SRPK1: variants seen among roughly 807,000 people sequenced by gnomAD.
SRPK1 encodes SRSF protein kinase 1.
In SRPK1, 52 loss-of-function variants were observed where a neutral mutation model predicts 89.5. The observed-to-expected ratio is 0.58, with a 90% CI of 0.46 to 0.73. The LOEUF is 0.73. Ranked by LOEUF, SRPK1 falls within the 30% of genes least tolerant of loss-of-function variation. SRPK1 has a pLI of 0.00. For missense variants in SRPK1, 603 were observed against 780.6 expected, an observed-to-expected ratio of 0.77 and a Z score of 2.71; for synonymous variants, 255 against 270.2, an observed-to-expected ratio of 0.94 and a Z score of 0.55.
At chr6:35,867,331 C>T (rs1273989627) in intron 12 of SRPK1, among the ~76,000 whole-genome samples, 1 of 152,060 alleles carries the variant, frequency 6.6e-6, no homozygotes, top group African/African-American at 2.4e-5. Flanking sequence ...GAAAGCTGCT[C>T]CACATTCTTA....
At chr6:35,872,971 T>C (rs1310368913) in intron 7 of SRPK1, among the ~76,000 whole-genome samples, 1 of 152,230 alleles carries the variant, frequency 6.6e-6, no homozygotes, top group African/African-American at 2.4e-5. Flanking sequence ...TATTTGGAGA[T>C]ATTCTTCAAC....
chr6:35,915,458 G>C (rs1771069062), intron 2 of SRPK1, among the ~76,000 whole-genome samples: 1 of 145,150 alleles, frequency 6.9e-6, no homozygotes, highest in African/African-American at 2.5e-5. Flanking sequence ...TTGACAAAAT[G>C]AACTAAAAAT....
At chr6:35,913,969 C>CT (rs545555860) in intron 2 of SRPK1, among the ~76,000 whole-genome samples, 1,355 of 92,772 alleles carry the variant, frequency 0.015, 49 homozygotes, top group African/African-American at 0.032. Context: ...GATACTTTCT[C>CT]TTTTTTTTTT....
chr6:35,897,851 T>C (rs1472642606), intron 2 of SRPK1, among the ~76,000 whole-genome samples: 1 of 152,204 alleles, frequency 6.6e-6, no homozygotes, highest in Non-Finnish European at 1.5e-5. Flanking sequence ...GCGTATTCTA[T>C]TGGAACAAAT....
At chr6:35,911,126 T>C (rs1326475553) in intron 2 of SRPK1, among the ~76,000 whole-genome samples, 2 of 152,228 alleles carry the variant, frequency 1.3e-5, no homozygotes, top group South Asian at 2.1e-4. Flanking sequence ...ATTCCTCTGA[T>C]GGGTCTGGGA....
At chr6:35,877,931 G>C (rs188549540) in intron 6 of SRPK1, among the ~76,000 whole-genome samples, 24 of 151,956 alleles carry the variant, frequency 1.6e-4, no homozygotes, top group Admixed American at 1.2e-3. Context: ...ACAAATGGCA[G>C]ATTAGATTTT....
At chr6:35,917,190 T>C (rs1164562677) in intron 2 of SRPK1, among the ~76,000 whole-genome samples, 2 of 152,226 alleles carry the variant, frequency 1.3e-5, no homozygotes, top group African/African-American at 2.4e-5. Context: ...GATAGATGAT[T>C]GTGCTGTTTC....
rs531578817 is a variant in SRPK1 at position 35,888,131 on chromosome 6, A to G, written c.303-20T>C. 1.4e-5 allele frequency: 22 copies of G among 1,548,308 alleles called. No homozygotes were observed. The highest frequency in any genetic ancestry group is 1.9e-5 in the Non-Finnish European group (22 of 1,129,034). ...TTCCCCCTAAGAAACAAACACAGGC[A>G]ATTAAGACTACATAGCCTACCCTTA... is the stretch of plus-strand genomic sequence containing the variant. On this transcript the variant is annotated intron_variant, in intron 4 of 15. Coordinates refer to ENST00000373825, the MANE Select transcript of SRPK1 (RefSeq NM_003137.5).
At chr6:35,848,651 G>A (rs1378307790) in intron 13 of SRPK1, among the ~76,000 whole-genome samples, 1 of 152,184 alleles carries the variant, frequency 6.6e-6, no homozygotes, top group African/African-American at 2.4e-5. Context: ...GGCAAAAAAA[G>A]CAGACGCATA....
chr6:35,844,881 A>G (rs1769393466), intron 13 of SRPK1, among the ~76,000 whole-genome samples: 1 of 152,154 alleles, frequency 6.6e-6, no homozygotes, highest in Non-Finnish European at 1.5e-5. Flanking sequence ...AAAAAAACAA[A>G]AAACAAAAAA....
intron 13 of SRPK1, among the ~76,000 whole-genome samples, chr6:35,856,416 T>G (rs1769667605): frequency 6.6e-6 from 1 of 152,154 alleles, no homozygotes; most frequent in Admixed American, 6.5e-5. Context: ...GCCAGTTGAT[T>G]AGAAGTGCAG....
chr6:35,872,677 C>T lies in SRPK1; in HGVS notation c.637G>A (p.Asp213Asn), dbSNP rs1332278792. The T allele has an allele frequency of 6.2e-7, 1 of 1,611,082 alleles. No homozygotes were observed. The highest frequency in any genetic ancestry group is 8.5e-7 in the Non-Finnish European group (1 of 1,178,730). ...AATAAGATGTTCTCTGGTTTAATGT[C>T]AGTGTGGATGATACGGCACTTGGTA... ...LHTKCRIIHT[D>N]IKPENILLSV... The change falls in exon 8 of 16, where the codon GAC (aspartate) becomes AAC (asparagine). Residue 213 changes from aspartate to asparagine, a missense_variant. Transcript: ENST00000373825.
At chr6:35,885,292 CACACACAGAG>C (rs1281021181) in intron 6 of SRPK1, among the ~76,000 whole-genome samples, 76 of 135,308 alleles carry the variant, frequency 5.6e-4, no homozygotes, top group African/African-American at 1.6e-3. Flanking sequence ...CACACACACA[CACACACAGAG>C]AGAGAGAGAG....
At chr6:35,908,144 A>G (rs903359847) in intron 2 of SRPK1, among the ~76,000 whole-genome samples, 10 of 152,174 alleles carry the variant, frequency 6.6e-5, no homozygotes, top group Non-Finnish European at 1.3e-4. Flanking sequence ...GAAATGGACT[A>G]ATACAGTAAA....
Position 35,842,616 on chromosome 6 carries a change from AG to A in SRPK1, c.1621-13del. On this transcript the variant is annotated splice_polypyrimidine_tract_variant and intron_variant, in intron 13 of 15. Transcript: ENST00000373825. Reference sequence around the variant, plus strand: ...GCCAGTTCAAAGGCCTAAAAAAAAAAGAGGACAGTATATGAAAGCACAAAAG... The same window carrying A: ...GCCAGTTCAAAGGCCTAAAAAAAAAAAGGACAGTATATGAAAGCACAAAAG... The A allele has an allele frequency of 6.3e-7, 1 of 1,598,762 alleles. No homozygotes were observed. The highest frequency in any genetic ancestry group is 1.3e-5 in the African/African-American group (1 of 74,244).
intron 2 of SRPK1, among the ~76,000 whole-genome samples, chr6:35,917,378 G>A (rs1203354874): frequency 6.6e-6 from 1 of 152,144 alleles, no homozygotes; most frequent in Non-Finnish European, 1.5e-5. Flanking sequence ...TCAGACCTGG[G>A]TTCAAATCCC....
intron 12 of SRPK1, among the ~76,000 whole-genome samples, chr6:35,863,004 A>G (rs1769816431): frequency 1.3e-5 from 2 of 151,716 alleles, no homozygotes; most frequent in East Asian, 3.9e-4. Context: ...AAAAAAAATT[A>G]GCTGGGTGTG....
In SRPK1 at chr6:35,889,924, C is replaced by T. The variant is rs1274966731; in HGVS notation, c.193+971G>A. Among the ~76,000 whole-genome samples, 4 of 149,844 alleles carry T rather than the reference C, an allele frequency of 2.7e-5. No homozygotes were observed. The South Asian group carries it at 8.5e-4, about 32-fold the overall frequency. On this transcript the variant is annotated intron_variant, in intron 3 of 15. Transcript: ENST00000373825. ...CCATCCTGGCTAACACGGTGAAACCCTGTGTCTACTAAAAAAAAAAAAAAA... is the reference window on the plus strand; with the variant it reads ...CCATCCTGGCTAACACGGTGAAACCTTGTGTCTACTAAAAAAAAAAAAAAA...
chr6:35,918,084 C>T lies in SRPK1; in HGVS notation c.74+2384G>A, dbSNP rs151051080. Among the ~76,000 whole-genome samples, 40 of 152,270 alleles carry T rather than the reference C, an allele frequency of 2.6e-4. No individual in the cohort carries two copies. The East Asian group carries it at 4.6e-3, about 18-fold the overall frequency. On this transcript the variant is annotated intron_variant, in intron 2 of 15. Coordinates refer to ENST00000373825, the MANE Select transcript of SRPK1 (RefSeq NM_003137.5). The stretch of plus-strand genomic sequence containing the variant: ...AAGTCATGGAACAGAGTCAAGTTAC[C>T]TTAGTTGAGGCTTGAACTTCTAACA...
Sources: allele counts gnomAD v4.1 joint callset (sites outside exome capture counted in the v4.1 genomes callset), GRCh38; gene constraint gnomAD v4.1.1; transcripts MANE v1.5; gene names NCBI Gene and HGNC (gene_info 2026-07-23, HGNC 2026-07-21).